The following CELF2 variants were observed in gnomAD, a reference collection of about 807,000 sequenced individuals.
CELF2 encodes the protein CUGBP Elav-like family member 2, also known as CUG triplet repeat RNA-binding protein 2.
CELF2 carries 8 observed loss-of-function variants against 62.6 expected under a neutral mutation model. The observed-to-expected ratio is 0.13, with a 90% CI of 0.07 to 0.23. The LOEUF (loss-of-function observed/expected upper bound fraction) is 0.23. Among genes scored for constraint, CELF2 ranks in the 10% least tolerant of loss-of-function variants. The pLI is 1.00. For missense variants in CELF2, 333 were observed against 671.0 expected, an observed-to-expected ratio of 0.50 and a Z score of 5.56; for synonymous variants, 258 against 250.0, an observed-to-expected ratio of 1.03 and a Z score of -0.30.
At chr10:10,478,946 A>G in the CELF2 span, among the ~76,000 whole-genome samples, 1 of 152,220 alleles carries the variant, frequency 6.6e-6, no homozygotes, top group Admixed American at 6.5e-5. Context: ...AAAATTGGAA[A>G]GACTTCTAAA....
chr10:10,635,190 A>T, the CELF2 span, among the ~76,000 whole-genome samples: 1 of 152,200 alleles, frequency 6.6e-6, no homozygotes, highest in Non-Finnish European at 1.5e-5. Context: ...CCCATGACTG[A>T]GTTAGCACAT....
chr10:11,327,965 C>T (rs370324011), intron 12 of CELF2, among the ~76,000 whole-genome samples: 1 of 152,192 alleles, frequency 6.6e-6, no homozygotes, highest in Non-Finnish European at 1.5e-5. Context: ...TGTCACCACT[C>T]GGATCAGCAC....
At chr10:11,162,022 GC>G in intron 1 of CELF2, among the ~76,000 whole-genome samples, 1 of 152,222 alleles carries the variant, frequency 6.6e-6, no homozygotes, top group African/African-American at 2.4e-5. Context: ...GGAGTCCAGA[GC>G]AGGATTCATT....
the CELF2 span, among the ~76,000 whole-genome samples, chr10:10,768,854 G>A: frequency 1.8e-3 from 267 of 152,206 alleles, no homozygotes; most frequent in Non-Finnish European, 2.9e-3. Context: ...GATTACGGGC[G>A]TGAGCCACTG....
chr10:11,058,141 C>T (rs769063200), intron 1 of CELF2, among the ~76,000 whole-genome samples: 1 of 150,734 alleles, frequency 6.6e-6, no homozygotes, highest in Non-Finnish European at 1.5e-5. Flanking sequence ...CTGGCATGTT[C>T]CAGTCGAGTT....
the CELF2 span, among the ~76,000 whole-genome samples, chr10:10,637,094 G>A: frequency 6.6e-6 from 1 of 152,096 alleles, no homozygotes; most frequent in Non-Finnish European, 1.5e-5. Flanking sequence ...AGGTAATTGT[G>A]TTTGCATTAG....
the CELF2 span, among the ~76,000 whole-genome samples, chr10:10,554,755 T>C: frequency 6.6e-6 from 1 of 152,210 alleles, no homozygotes; most frequent in Non-Finnish European, 1.5e-5. Context: ...GTTCACTGTG[T>C]TTGCCTGGAT....
Position 10,969,195 on chromosome 10 carries a change from T to G in CELF2, c.89+49196T>G, listed in dbSNP as rs924140747. On this transcript the variant is annotated intron_variant, in intron 2 of 13. Coordinates refer to the CELF2 transcript ENST00000636488. ...TCACTTGAACCTGGGAGGCGGCGGT[T>G]GCAATGAACCAAGATTGTGCCATTG... 3.9e-5 allele frequency among the ~76,000 whole-genome samples: 6 copies of G among 152,190 alleles called. No homozygotes were observed. The East Asian group carries it at 1.2e-3, about 29-fold the overall frequency.
chr10:11,091,009 ATAGT>A (rs1209235170), intron 1 of CELF2, among the ~76,000 whole-genome samples: 6 of 152,234 alleles, frequency 3.9e-5, no homozygotes, highest in African/African-American at 1.2e-4. Context: ...TTTATAATCC[ATAGT>A]TAATGTGTTC....
At chr10:10,966,726 A>G (rs1259689205) in intron 2 of CELF2, 1 of 152,262 alleles carries the variant, frequency 6.6e-6, no homozygotes, top group Non-Finnish European at 1.5e-5. Context: ...AGGATAAGGA[A>G]ACCAGAGGCT....
At chr10:10,643,167 G>A in the CELF2 span, among the ~76,000 whole-genome samples, 1 of 152,216 alleles carries the variant, frequency 6.6e-6, no homozygotes, top group African/African-American at 2.4e-5. Context: ...ACCCTTGGCA[G>A]GGTCAGGTTT....
At chr10:10,702,620 T>G in the CELF2 span, among the ~76,000 whole-genome samples, 1 of 152,262 alleles carries the variant, frequency 6.6e-6, no homozygotes, top group Admixed American at 6.5e-5. Flanking sequence ...AGTCTCACTC[T>G]GTCACCCAGG....
intron 1 of CELF2, among the ~76,000 whole-genome samples, chr10:11,078,254 G>A (rs1262514544): frequency 6.6e-6 from 1 of 152,104 alleles, no homozygotes; most frequent in African/African-American, 2.4e-5. Context: ...GGAAGTGGTG[G>A]GGGGCGGAAT....
chr10:11,023,189 G>C (rs1481092760), intron 1 of CELF2, among the ~76,000 whole-genome samples: 1 of 152,162 alleles, frequency 6.6e-6, no homozygotes, highest in East Asian at 1.9e-4. Context: ...ACAGAAGGGA[G>C]GGTTTGGAAA....
chr10:10,879,839 C>T (rs2061340848), intron 1 of CELF2, among the ~76,000 whole-genome samples: 1 of 152,174 alleles, frequency 6.6e-6, no homozygotes, highest in Admixed American at 6.6e-5. Flanking sequence ...CAACTCCACA[C>T]CTGCCACTCC....
At chr10:10,816,761 A>G (rs2056496158) in intron 1 of CELF2, among the ~76,000 whole-genome samples, 1 of 152,222 alleles carries the variant, frequency 6.6e-6, no homozygotes, top group Non-Finnish European at 1.5e-5. Flanking sequence ...AGGTGATTCC[A>G]TGTAACGATT....
chr10:11,263,715 A>G (rs1018235290), intron 5 of CELF2, among the ~76,000 whole-genome samples: 1 of 152,224 alleles, frequency 6.6e-6, no homozygotes. Flanking sequence ...AGGGACTTAC[A>G]TGATCCTGTG....
chr10:10,669,826 C>G, the CELF2 span, among the ~76,000 whole-genome samples: 8 of 151,726 alleles, frequency 5.3e-5, no homozygotes, highest in Admixed American at 3.9e-4. Context: ...AGCTTACACA[C>G]TTTTCATAGT....
intron 1 of CELF2, among the ~76,000 whole-genome samples, chr10:11,068,976 A>G (rs887340964): frequency 1.3e-5 from 2 of 152,132 alleles, no homozygotes; most frequent in African/African-American, 2.4e-5. Context: ...TCTTTTCTGT[A>G]TCTTGAAACA....
Sources: allele counts gnomAD v4.1 joint callset (sites outside exome capture counted in the v4.1 genomes callset), GRCh38; gene constraint gnomAD v4.1.1; transcripts MANE v1.5; gene names NCBI Gene and HGNC (gene_info 2026-07-23, HGNC 2026-07-21).